The following ITPR3 variants were observed in gnomAD, a reference collection of about 807,000 sequenced individuals.
ITPR3 encodes the protein inositol 1,4,5-trisphosphate-gated calcium channel ITPR3.
In ITPR3, 173 loss-of-function variants were observed where a neutral mutation model predicts 293.2. The observed-to-expected ratio is 0.59, with a 90% CI of 0.52 to 0.67. The LOEUF is 0.67. Among genes scored for constraint, ITPR3 ranks in the 30% least tolerant of loss-of-function variants. The pLI, the probability that ITPR3 is intolerant of heterozygous loss-of-function variation, is 0.00. For missense variants in ITPR3, 2,796 were observed against 3,592.1 expected (o/e 0.78, Z 5.66); for synonymous variants, 1,295 against 1,444.4 (o/e 0.90, Z 2.35).
chr6:33,665,033 G>T lies in ITPR3; in HGVS notation c.1249-20G>T, dbSNP rs776062457. ...GCCGGAGCTTGTTCCCAGGTGCCCT[G>T]CTGACCCCTGTCTCTGCAGCTGGGC... On this transcript the variant is annotated intron_variant, in intron 12 of 57. Transcript: ENST00000605930. 1.5e-5 allele frequency: 24 copies of T among 1,613,616 alleles called. No individual in the cohort carries two copies. Among genetic ancestry groups the T allele is most frequent in the Non-Finnish European group, 2.0e-5 (24 of 1,180,002 alleles).
Position 33,672,170 on chromosome 6 carries a change from A to T in ITPR3, c.2870A>T (p.Glu957Val), listed in dbSNP as rs1228018704. 6.2e-7 allele frequency: 1 copy of T among 1,613,048 alleles called. No homozygotes were observed. The highest frequency in any genetic ancestry group is 8.5e-7 in the Non-Finnish European group (1 of 1,179,578). Residue 957 changes from glutamate (E) to valine (V), a missense_variant, in exon 22 of 58, where the codon GAG becomes GTG. This residue lies in a region of ITPR3 where 955 missense variants were observed against 1,180.8 expected (regional missense o/e 0.81). Coordinates refer to ENST00000605930, the MANE Select transcript of ITPR3 (RefSeq NM_002224.4). The surrounding 1 kb of genome is among the most constrained non-coding windows in gnomAD (Gnocchi z 5.0). The part of the protein sequence containing the change: ...AAEPLDRSKF[E>V]ENEDIVVMET... ...GAGCCGCTGGACAGAAGCAAGTTTG[A>T]GGAGAATGAGGACATTGTGGTGATG... is the stretch of plus-strand genomic sequence containing the variant.
At chr6:33,688,567 T>C in intron 48 of ITPR3, 89 bp from the exon 49 acceptor site, 2 of 1,568,270 alleles carry the variant, frequency 1.3e-6, no homozygotes, top group Non-Finnish European at 1.7e-6. Flanking sequence ...CTTCCATGTG[T>C]GGCTTCCTCC....
intron 51 of ITPR3, among the ~76,000 whole-genome samples, chr6:33,690,535 C>G (rs945770865): frequency 2.6e-5 from 4 of 152,132 alleles, no homozygotes; most frequent in African/African-American, 9.7e-5. Context: ...AGTTTCCTCA[C>G]CTGTAAAATG....
chr6:33,663,891 G>A lies in ITPR3; in HGVS notation c.1148+11G>A, dbSNP rs115481559. ...CTCTTTCGTGCCCCGGTGGGTATGC[G>A]CCATGTGCCTGGGAGTTGACTGGTG... On this transcript the variant is annotated intron_variant, in intron 11 of 57. Transcript: ENST00000605930. 6 of 1,613,754 alleles carry A rather than the reference G, an allele frequency of 3.7e-6. No homozygotes were observed. Among genetic ancestry groups the A allele is most frequent in the Admixed American group, 1.7e-5 (1 of 60,014 alleles).
intron 2 of ITPR3, among the ~76,000 whole-genome samples, chr6:33,652,872 C>T (rs992550454): frequency 6.6e-6 from 1 of 151,314 alleles, no homozygotes; most frequent in African/African-American, 2.4e-5. Flanking sequence ...CTCAGTGTGA[C>T]AAAAAAGAGA....
In ITPR3 at chr6:33,692,040, C is replaced by A; in HGVS notation, c.7458+112C>A. ...CGTCAGATATTCAGGGTTGAACCCC[C>A]TCCCCCGAACTTGTATCCACTTTTC... On this transcript the variant is annotated intron_variant, in intron 54 of 57. Coordinates refer to ENST00000605930, the MANE Select transcript of ITPR3 (RefSeq NM_002224.4). The surrounding 1 kb of genome is among the most constrained non-coding windows in gnomAD (Gnocchi z 4.2). 1 of 1,399,718 alleles carries A rather than the reference C, an allele frequency of 7.1e-7. No homozygotes were observed. Among genetic ancestry groups the A allele is most frequent in the Non-Finnish European group, 9.9e-7 (1 of 1,006,662 alleles). 86.7% of individuals were successfully genotyped at this position (1,399,718 alleles called of 1,614,324 possible). A position where few individuals can be genotyped will look rare whatever the true frequency, so the allele number is the denominator to read the frequency against.
At position 33,670,259 on chromosome 6, in the gene ITPR3, G is replaced by A; in HGVS notation, c.2190-66G>A. ...CTTTACTGAGTCCTCACCAAGTCTA[G>A]TGCCCAGTGCCAGCAGCCTCCCGGC... On this transcript the variant is annotated intron_variant, in intron 18 of 57. Transcript: ENST00000605930. The surrounding 1 kb of genome is among the most constrained non-coding windows in gnomAD (Gnocchi z 6.7). 4 of 1,578,164 alleles carry A rather than the reference G, an allele frequency of 2.5e-6. No homozygotes were observed. In the Middle Eastern group the frequency reaches 5.0e-4, roughly 198 times the overall value.
intron 1 of ITPR3, among the ~76,000 whole-genome samples, chr6:33,637,375 A>ATT (rs1763847967): frequency 1.3e-5 from 2 of 152,250 alleles, no homozygotes; most frequent in Non-Finnish European, 1.5e-5. Context: ...ATGGAGCAGG[A>ATT]GATACAGAGC....
At position 33,688,439 on chromosome 6, in the gene ITPR3, C is replaced by A; in HGVS notation, c.6568+8C>A. The A allele has an allele frequency of 7.3e-7, 1 of 1,374,148 alleles. No individual in the cohort carries two copies. Among genetic ancestry groups the A allele is most frequent in the Non-Finnish European group, 9.7e-7 (1 of 1,029,036 alleles). 85.1% of individuals were successfully genotyped at this position (1,374,148 alleles called of 1,614,324 possible). The stretch of plus-strand genomic sequence containing the variant: ...GGCAGCGCAAGCTCCGCAGTGAGGA[C>A]CCACGGGCGGGAGGGTGGGGCGGTC... On this transcript the variant is annotated splice_region_variant and intron_variant, in intron 48 of 57. Transcript: ENST00000605930.
intron 6 of ITPR3, 60 bp downstream of exon 6, chr6:33,659,179 A>G: frequency 1.4e-6 from 2 of 1,460,634 alleles, no homozygotes; most frequent in East Asian, 2.3e-5. Flanking sequence ...CTGGTGGTGT[A>G]GACACCCCGC....
In ITPR3 at chr6:33,669,171, C is replaced by T; in HGVS notation, c.2189+15C>T. The T allele has an allele frequency of 6.2e-7, 1 of 1,609,252 alleles. No individual in the cohort carries two copies. The highest frequency in any genetic ancestry group is 8.5e-7 in the Non-Finnish European group (1 of 1,177,738). On this transcript the variant is annotated intron_variant, in intron 18 of 57. Transcript: ENST00000605930. Reference sequence around the variant, plus strand: ...AGCTACTACAGGTGCCCCGCCCCAGCTCCTCCCCTCCCTCTTCCTGTGCCT... The same window carrying T: ...AGCTACTACAGGTGCCCCGCCCCAGTTCCTCCCCTCCCTCTTCCTGTGCCT...
chr6:33,678,637 A>C lies in ITPR3; in HGVS notation c.3772-2A>C. On this transcript the variant is annotated splice_acceptor_variant, in intron 29 of 57. Coordinates refer to ENST00000605930, the MANE Select transcript of ITPR3 (RefSeq NM_002224.4). LOFTEE classifies it high-confidence loss of function. ...CTTTCTGACAGATGCCCCCCACTGCAGCTCCTGGAGGCAGAGACCATGCAG... is the reference window on the plus strand; with the variant it reads ...CTTTCTGACAGATGCCCCCCACTGCCGCTCCTGGAGGCAGAGACCATGCAG... 6.2e-7 allele frequency: 1 copy of C among 1,611,278 alleles called. No homozygotes were observed. Among genetic ancestry groups the C allele is most frequent in the South Asian group, 1.1e-5 (1 of 90,650 alleles).
intron 50 of ITPR3, 74 bp from the exon 51 acceptor site, chr6:33,689,960 G>A: frequency 1.3e-6 from 2 of 1,556,428 alleles, no homozygotes; most frequent in South Asian, 1.1e-5. Context: ...TCTGAGCTGG[G>A]CACTGGGGGA....
Position 33,672,279 on chromosome 6 carries a change from T to TG in ITPR3, c.2928+55dup. On this transcript the variant is annotated intron_variant, in intron 22 of 57. Transcript: ENST00000605930. The surrounding 1 kb of genome is among the most constrained non-coding windows in gnomAD (Gnocchi z 5.0). ...GGTGTTGGGTATAGGGGGAGGGTAA[T>TG]GGGGCGGGTACAGGGAGGCTGGGCA... 2.6e-5 allele frequency: 16 copies of TG among 609,614 alleles called. No individual in the cohort carries two copies. Among genetic ancestry groups the TG allele is most frequent in the Non-Finnish European group, 3.9e-5 (14 of 361,978 alleles). 37.8% of individuals were successfully genotyped at this position (609,614 alleles called of 1,614,324 possible). A position where few individuals can be genotyped will look rare whatever the true frequency, so the allele number is the denominator to read the frequency against.
At position 33,667,959 on chromosome 6, in the gene ITPR3, G is replaced by A; in HGVS notation, c.1881G>A (p.Glu627=). 1 of 1,614,096 alleles carries A rather than the reference G, an allele frequency of 6.2e-7. No individual in the cohort carries two copies. The highest frequency in any genetic ancestry group is 1.1e-5 in the South Asian group (1 of 91,086). The change falls in exon 16 of 58, where the codon GAG becomes GAA. Residue 627 remains glutamate, a synonymous_variant. Coordinates refer to ENST00000605930, the MANE Select transcript of ITPR3 (RefSeq NM_002224.4). The surrounding 1 kb of genome is among the most constrained non-coding windows in gnomAD (Gnocchi z 4.4). ...TFVSLVRKNR[E]PRFLDYLSDL... ...TCAGCCTTGTGCGCAAGAACCGGGA[G>A]CCCAGGTGGGCCCGAACCCCCTCCC...
At position 33,687,243 on chromosome 6, in the gene ITPR3, G is replaced by C. The variant is rs1278789803; in HGVS notation, c.6093G>C (p.Lys2031Asn). Reference sequence around the variant, plus strand: ...CCCTCCAGGTGGACGTCATCAAGAAGGCCTACCTGCAGGAGGAAGAGCGTG... The same window carrying C: ...CCCTCCAGGTGGACGTCATCAAGAACGCCTACCTGCAGGAGGAAGAGCGTG... The part of the protein sequence containing the change: ...RPQELVDVIK[K>N]AYLQEEEREN... Residue 2031 changes from lysine to asparagine, a missense_variant, in exon 45 of 58, where the codon AAG (lysine) becomes AAC (asparagine). Lys to Asn is a moderately conservative substitution (Grantham distance 94). This residue lies in a region of ITPR3 where 704 missense variants were observed against 797.5 expected (regional missense o/e 0.88). Transcript: ENST00000605930. The surrounding 1 kb of genome is among the most constrained non-coding windows in gnomAD (Gnocchi z 5.3). The C allele has an allele frequency of 1.5e-5, 25 of 1,613,152 alleles. No individual in the cohort carries two copies. The highest frequency in any genetic ancestry group is 2.0e-5 in the Non-Finnish European group (23 of 1,179,344).
chr6:33,671,303 G>A lies in ITPR3; in HGVS notation c.2725G>A (p.Gly909Ser), dbSNP rs765931159. 15 of 1,611,122 alleles carry A rather than the reference G, an allele frequency of 9.3e-6. No individual in the cohort carries two copies. Among genetic ancestry groups the A allele is most frequent in the East Asian group, 2.2e-5 (1 of 44,818 alleles). Residue 909 changes from glycine (G) to serine (S), a missense_variant, in exon 21 of 58, where the codon GGT (glycine) becomes AGT (serine). This residue lies in a region of ITPR3 where 955 missense variants were observed against 1,180.8 expected (regional missense o/e 0.81). Coordinates refer to ENST00000605930, the MANE Select transcript of ITPR3 (RefSeq NM_002224.4). ...PAMLQAYEDP[G>S]GKNVRRSIQG... is the part of the protein sequence containing the mutation. The stretch of plus-strand genomic sequence containing the variant: ...CATGCTGCAGGCCTATGAGGACCCC[G>A]GTGGTGAGGCCTTTGCCCGGCTCGG...
At chr6:33,642,955 G>C (rs1334626327) in intron 2 of ITPR3, among the ~76,000 whole-genome samples, 2 of 152,136 alleles carry the variant, frequency 1.3e-5, no homozygotes. Context: ...ACAGAGCCAG[G>C]CCTCCGTACA....
intron 2 of ITPR3, among the ~76,000 whole-genome samples, chr6:33,647,790 C>A (rs1346456829): frequency 2.0e-5 from 3 of 152,120 alleles, no homozygotes; most frequent in Non-Finnish European, 4.4e-5. Flanking sequence ...TGTTTCAAGT[C>A]TTTTATTATT....
Sources: gnomAD v4.1 joint callset for allele counts (sites outside exome capture counted in the v4.1 genomes callset) on GRCh38, gnomAD v4.1.1 for gene constraint, gnomAD v4.1.1 regional missense constraint, Gnocchi (gnomAD v3.1) non-coding constraint, MANE v1.5 for transcripts, NCBI Gene and HGNC (gene_info 2026-07-23, HGNC 2026-07-21) for gene names.